The following AUH variants were observed in gnomAD, a reference collection of about 807,000 sequenced individuals.
AUH encodes the protein AU RNA binding methylglutaconyl-CoA hydratase.
In AUH, 29 loss-of-function variants were observed where a neutral mutation model predicts 42.3. The observed-to-expected ratio is 0.69, with a 90% CI of 0.51 to 0.93. AUH has a LOEUF of 0.93. Among genes scored for constraint, AUH ranks in the 40% least tolerant of loss-of-function variants. The probability of loss-of-function intolerance (pLI) is 0.00; values close to 1 mark genes in which losing one functional copy is unlikely to be tolerated. For missense variants in AUH, 452 were observed against 438.1 expected (o/e 1.03, Z -0.28); for synonymous variants, 174 against 166.4 (o/e 1.05, Z -0.35).
rs535270712 is a variant in AUH at position 91,279,644 on chromosome 9, G to A, written c.655+16377C>T. Among the ~76,000 whole-genome samples the A allele has an allele frequency of 7.2e-5, 11 of 152,220 alleles. No individual in the cohort carries two copies. In the South Asian group the frequency reaches 1.2e-3, roughly 17 times the overall value. On this transcript the variant is annotated intron_variant, in intron 6 of 9. Transcript: ENST00000375731. ...AAACAACCAGATCACCTGTGAACTC[G>A]CTCATCACCAAGGGGACGGTGCAAA...
intron 7 of AUH, among the ~76,000 whole-genome samples, chr9:91,220,188 A>G (rs1422609764): frequency 6.6e-6 from 1 of 152,246 alleles, no homozygotes; most frequent in African/African-American, 2.4e-5. Context: ...GGCCACTGAT[A>G]TCACTCCTGA....
At chr9:91,334,342 C>A (rs1358355923) in intron 3 of AUH, among the ~76,000 whole-genome samples, 1 of 149,398 alleles carries the variant, frequency 6.7e-6, no homozygotes, top group Non-Finnish European at 1.5e-5. Context: ...AAAGAAGCAG[C>A]CCTTCCCATG....
rs80194608 is a variant in AUH at position 91,261,906 on chromosome 9, A to C, written c.655+34115T>G. Among the ~76,000 whole-genome samples the C allele has an allele frequency of 4.2e-3, 646 of 152,326 alleles. 7 individuals carry two copies. The highest frequency in any genetic ancestry group is 0.015 in the African/African-American group (611 of 41,586). ...TTTCTATTTCTCTGGAAATAGAAAA[A>C]GGGTACTTTTGAATTAGACTTGAGA... On this transcript the variant is annotated intron_variant, in intron 6 of 9. Coordinates refer to ENST00000375731, the MANE Select transcript of AUH (RefSeq NM_001698.3).
chr9:91,238,010 G>C (rs1564020652), intron 6 of AUH, among the ~76,000 whole-genome samples: 1 of 152,224 alleles, frequency 6.6e-6, no homozygotes, highest in Non-Finnish European at 1.5e-5. Flanking sequence ...TATGGGGAAT[G>C]AGTTTTTTGC....
intron 3 of AUH, among the ~76,000 whole-genome samples, chr9:91,351,582 G>A (rs556899489): frequency 5.3e-5 from 8 of 152,290 alleles, no homozygotes; most frequent in East Asian, 3.9e-4. Flanking sequence ...TCCCCAACCC[G>A]AGTTGATGAA....
At chr9:91,293,019 T>G (rs528741284) in intron 6 of AUH, among the ~76,000 whole-genome samples, 1 of 152,324 alleles carries the variant, frequency 6.6e-6, no homozygotes, top group East Asian at 1.9e-4. Context: ...TTGTTGTTAC[T>G]ACTGTAATTA....
At chr9:91,224,413 T>A (rs1304609628) in intron 6 of AUH, among the ~76,000 whole-genome samples, 1 of 152,224 alleles carries the variant, frequency 6.6e-6, no homozygotes, top group Non-Finnish European at 1.5e-5. Flanking sequence ...TGGGTTGCCT[T>A]TTCACTCTGT....
intron 3 of AUH, among the ~76,000 whole-genome samples, chr9:91,347,380 T>C (rs1831596664): frequency 6.6e-6 from 1 of 152,160 alleles, no homozygotes; most frequent in Non-Finnish European, 1.5e-5. Flanking sequence ...TTTAAGGGTC[T>C]TTATGGAGGT....
chr9:91,278,564 T>C (rs1448396812), intron 6 of AUH, among the ~76,000 whole-genome samples: 2 of 152,226 alleles, frequency 1.3e-5, no homozygotes, highest in African/African-American at 2.4e-5. Flanking sequence ...TGGAAGTAGT[T>C]TGGCGCGATT....
intron 6 of AUH, among the ~76,000 whole-genome samples, chr9:91,240,009 G>A (rs1378540306): frequency 1.3e-5 from 2 of 152,132 alleles, no homozygotes; most frequent in African/African-American, 4.8e-5. Context: ...ATTATAGAAA[G>A]CTTTTTCAAC....
chr9:91,216,164 T>C lies in AUH; in HGVS notation c.895-58A>G, dbSNP rs1307250159. ...AATAACTTTGCGAAATGTGGTATATTCAACAGAAATTCAAATTGAATAACC... is the reference window on the plus strand; with the variant it reads ...AATAACTTTGCGAAATGTGGTATATCCAACAGAAATTCAAATTGAATAACC... On this transcript the variant is annotated intron_variant, in intron 8 of 9. Coordinates refer to ENST00000375731, the MANE Select transcript of AUH (RefSeq NM_001698.3). 4 of 1,499,244 alleles carry C rather than the reference T, an allele frequency of 2.7e-6. No homozygotes were observed. The East Asian group carries it at 9.0e-5, about 34-fold the overall frequency. The allele number at this position is 1,499,244 out of a possible 1,614,324, so 92.9% of individuals were successfully genotyped here. A position where few individuals can be genotyped will look rare whatever the true frequency, so the allele number is the denominator to read the frequency against.
At chr9:91,350,378 AG>A (rs1231499162) in intron 3 of AUH, among the ~76,000 whole-genome samples, 2 of 152,238 alleles carry the variant, frequency 1.3e-5, no homozygotes, top group Non-Finnish European at 2.9e-5. Flanking sequence ...ACCTTTAACC[AG>A]GTCTTTCACT....
intron 6 of AUH, among the ~76,000 whole-genome samples, chr9:91,274,774 T>C (rs1386573041): frequency 1.3e-5 from 2 of 152,158 alleles, no homozygotes; most frequent in African/African-American, 2.4e-5. Context: ...AATTAAAGCA[T>C]AGAAAAGGCC....
At chr9:91,357,843 G>A (rs890859262) in intron 1 of AUH, among the ~76,000 whole-genome samples, 3 of 152,234 alleles carry the variant, frequency 2.0e-5, no homozygotes, top group Non-Finnish European at 4.4e-5. Context: ...TGAAAGTAAA[G>A]AGGTCAGCAC....
intron 6 of AUH, among the ~76,000 whole-genome samples, chr9:91,234,271 C>CCTCTGG (rs1383837706): frequency 2.0e-5 from 3 of 152,170 alleles, no homozygotes; most frequent in Non-Finnish European, 4.4e-5. Flanking sequence ...TCAGGTCTGG[C>CCTCTGG]CTGCTGGATG....
chr9:91,314,737 G>A lies in AUH; in HGVS notation c.505+10581C>T, dbSNP rs78916525. Among the ~76,000 whole-genome samples the A allele has an allele frequency of 3.0e-3, 461 of 151,992 alleles. 4 individuals carry two copies. The highest frequency in any genetic ancestry group is 0.011 in the African/African-American group (439 of 41,468). On this transcript the variant is annotated intron_variant, in intron 4 of 9. Coordinates refer to ENST00000375731, the MANE Select transcript of AUH (RefSeq NM_001698.3). Reference sequence around the variant, plus strand: ...AGCCGCCATTAGGCTTTCTTCTAACGGGCTAAAGAGAAACCAGCCCTTGAA... The same window carrying A: ...AGCCGCCATTAGGCTTTCTTCTAACAGGCTAAAGAGAAACCAGCCCTTGAA...
chr9:91,248,287 T>C (rs959639031), intron 6 of AUH, among the ~76,000 whole-genome samples: 2 of 152,242 alleles, frequency 1.3e-5, no homozygotes, highest in Non-Finnish European at 2.9e-5. Flanking sequence ...TGCCTTTGCA[T>C]GAGGCTTTAT....
rs200472338 is a variant in AUH, at chr9:91,220,997, G to A, written c.656-5C>T. 11 of 1,614,076 alleles carry A rather than the reference G, an allele frequency of 6.8e-6. No individual in the cohort carries two copies. The highest frequency in any genetic ancestry group is 2.2e-5 in the South Asian group (2 of 91,084). Reference sequence around the variant, plus strand: ...GTGGCAATCGCTGTGTCCCCCCTGAGGGGTGAAAGAGAGAGAAAAGGCAAT... The same window carrying A: ...GTGGCAATCGCTGTGTCCCCCCTGAAGGGTGAAAGAGAGAGAAAAGGCAAT... On this transcript the variant is annotated splice_polypyrimidine_tract_variant and splice_region_variant and intron_variant, in intron 6 of 9. Coordinates refer to ENST00000375731, the MANE Select transcript of AUH (RefSeq NM_001698.3).
chr9:91,251,552 C>A (rs1395051326), intron 6 of AUH, among the ~76,000 whole-genome samples: 1 of 152,098 alleles, frequency 6.6e-6, no homozygotes, highest in Admixed American at 6.5e-5. Context: ...ATTATAAAAG[C>A]CAGAAGCTGT....
Sources: gnomAD v4.1 joint callset for allele counts (sites outside exome capture counted in the v4.1 genomes callset) on GRCh38, gnomAD v4.1.1 for gene constraint, MANE v1.5 for transcripts, NCBI Gene and HGNC (gene_info 2026-07-23, HGNC 2026-07-21) for gene names.